Variants in JADE2 observed in about 807,000 individuals in gnomAD.
JADE2 encodes jade family PHD finger 2.
JADE2 carries 13 observed loss-of-function variants against 85.7 expected under a neutral mutation model. That is an observed-to-expected ratio of 0.15 (90% confidence interval 0.10 to 0.24). JADE2 has a LOEUF of 0.24. Ranked by LOEUF, JADE2 falls within the 10% of genes least tolerant of loss-of-function variation. The pLI, the probability that JADE2 is intolerant of heterozygous loss-of-function variation, is 1.00. For synonymous variants in JADE2, 440 were observed against 456.1 expected, an observed-to-expected ratio of 0.96 and a Z score of 0.45; for missense variants, 846 against 1,115.9, an observed-to-expected ratio of 0.76 and a Z score of 3.45.
intron 1 of JADE2, among the ~76,000 whole-genome samples, chr5:134,528,572 G>T (rs1388183975): frequency 6.6e-6 from 1 of 152,208 alleles, no homozygotes; most frequent in African/African-American, 2.4e-5. Flanking sequence ...TTGATCCGAA[G>T]TGGGCGAATA....
rs1392475054 is a variant in JADE2 at position 134,566,506 on chromosome 5, C to T, written c.1360C>T (p.Leu454=). 1 of 1,608,932 alleles carries T rather than the reference C, an allele frequency of 6.2e-7. No homozygotes were observed. The highest frequency in any genetic ancestry group is 8.5e-7 in the Non-Finnish European group (1 of 1,177,650). ...LTPKTDEVDN[L]AQQEQDVLYR... ...CCCCAAGACCGACGAGGTGGACAAC[C>T]TGGCCCAGCAGGAGCAGGACGTCCT... is the stretch of plus-strand genomic sequence containing the variant. The change falls in exon 9 of 12, where the codon CTG becomes TTG. Residue 454 remains leucine (L), a synonymous_variant. Coordinates refer to ENST00000681547, the MANE Select transcript of JADE2 (RefSeq NM_001388185.1). This position sits in a 1 kb window ranked among gnomAD's most constrained non-coding sequence, Gnocchi z 6.7.
At chr5:134,571,570 A>G (rs1387779996) in intron 9 of JADE2, among the ~76,000 whole-genome samples, 4 of 152,136 alleles carry the variant, frequency 2.6e-5, no homozygotes, top group African/African-American at 4.8e-5. Context: ...GGTGGCAGGC[A>G]CCTGTAATCC....
Position 134,566,113 on chromosome 5 carries a change from C to T in JADE2, c.970-3C>T. 1.2e-6 allele frequency: 2 copies of T among 1,609,854 alleles called. No homozygotes were observed. The highest frequency in any genetic ancestry group is 2.2e-5 in the East Asian group (1 of 44,822). ...TCTGATCCTGCCCCTCCTTTCCCCT[C>T]AGTGTTCCATGCCTTCCTGCGTCAC... is the stretch of plus-strand genomic sequence containing the variant. On this transcript the variant is annotated splice_polypyrimidine_tract_variant and splice_region_variant and intron_variant, in intron 8 of 11. Transcript: ENST00000681547. This position sits in a 1 kb window ranked among gnomAD's most constrained non-coding sequence, Gnocchi z 6.7.
intron 10 of JADE2, chr5:134,575,750 C>G (rs1256394218): frequency 6.6e-6 from 1 of 150,382 alleles, no homozygotes; most frequent in African/African-American, 2.5e-5. Flanking sequence ...CAAAAATTAG[C>G]TGAGCATGGT....
chr5:134,543,084 G>C (rs1762072220), intron 3 of JADE2, among the ~76,000 whole-genome samples: 1 of 150,432 alleles, frequency 6.6e-6, no homozygotes, highest in East Asian at 2.0e-4. Flanking sequence ...GCCCAGGTTG[G>C]AGTGGAGTGG....
In JADE2 at chr5:134,525,988, G is replaced by A. The variant is rs1760783980; in HGVS notation, c.-24G>A. 1.0e-6 allele frequency: 1 copy of A among 985,516 alleles called. No homozygotes were observed. The highest frequency in any genetic ancestry group is 1.2e-6 in the Non-Finnish European group (1 of 830,080). The allele number at this position is 985,516 out of a possible 1,614,324, so 61.0% of individuals were successfully genotyped here. A position where few individuals can be genotyped will look rare whatever the true frequency, so the allele number is the denominator to read the frequency against. On this transcript the variant is annotated 5_prime_UTR_variant, in exon 1 of 12. Transcript: ENST00000681547. ...CGGCGCGTAGCCGAGGGCAGCGCCC[G>A]TCAGGGGGGCACCGCGGAGCAAGGT...
In JADE2 at chr5:134,582,004, T is replaced by C. The variant is rs1287394057; in HGVS notation, c.*2687T>C. The C allele has an allele frequency of 6.6e-6, 1 of 152,166 alleles. No individual in the cohort carries two copies. Among genetic ancestry groups the C allele is most frequent in the Admixed American group, 6.6e-5 (1 of 15,258 alleles). The allele number at this position is 152,166 out of a possible 1,614,324, so 9.4% of individuals were successfully genotyped here. A position where few individuals can be genotyped will look rare whatever the true frequency, so the allele number is the denominator to read the frequency against. ...GTCCCTGAGACTGAGGCAGGTTCCT[T>C]TTCCAGGTCAGAGGTGGAGGTAGAT... is the stretch of plus-strand genomic sequence containing the variant. On this transcript the variant is annotated 3_prime_UTR_variant, in exon 12 of 12. Coordinates refer to ENST00000681547, the MANE Select transcript of JADE2 (RefSeq NM_001388185.1).
At chr5:134,575,947 T>C (rs1764339824) in intron 10 of JADE2, among the ~76,000 whole-genome samples, 1 of 152,120 alleles carries the variant, frequency 6.6e-6, no homozygotes, top group South Asian at 2.1e-4. Flanking sequence ...GCACCTGTAA[T>C]CCCAGCACTT....
At chr5:134,575,976 G>A (rs1394007216) in intron 10 of JADE2, among the ~76,000 whole-genome samples, 1 of 152,166 alleles carries the variant, frequency 6.6e-6, no homozygotes, top group African/African-American at 2.4e-5. Flanking sequence ...CAAGGTGGAA[G>A]GATTACTGGA....
rs1338736090 is a variant in JADE2, at chr5:134,533,675, G to A, written c.1-2183G>A. The A allele has an allele frequency of 7.8e-6, 4 of 515,900 alleles. No homozygotes were observed. In the Admixed American group the frequency reaches 2.5e-4, roughly 33 times the overall value. 32.0% of individuals were successfully genotyped at this position (515,900 alleles called of 1,614,324 possible). A position where few individuals can be genotyped will look rare whatever the true frequency, so the allele number is the denominator to read the frequency against. Reference sequence around the variant, plus strand: ...GTTGCGCTGGGCTGGGCTGAGCTGAGGAAGACGTAGGCTAGAATCAGGAGT... The same window carrying A: ...GTTGCGCTGGGCTGGGCTGAGCTGAAGAAGACGTAGGCTAGAATCAGGAGT... On this transcript the variant is annotated intron_variant, in intron 1 of 11. Coordinates refer to ENST00000681547, the MANE Select transcript of JADE2 (RefSeq NM_001388185.1).
At chr5:134,546,231 T>C (rs1181748456) in intron 3 of JADE2, among the ~76,000 whole-genome samples, 1 of 152,118 alleles carries the variant, frequency 6.6e-6, no homozygotes, top group Non-Finnish European at 1.5e-5. Context: ...TGCAGTGGCA[T>C]GATCTCAGCT....
chr5:134,576,458 C>T (rs752778556), intron 10 of JADE2, among the ~76,000 whole-genome samples: 1 of 152,200 alleles, frequency 6.6e-6, no homozygotes, highest in South Asian at 2.1e-4. Flanking sequence ...CCTGTCCAGA[C>T]TCCCTTCCAG....
chr5:134,525,599 A>AC, upstream of JADE2: 1 of 36,164 alleles, frequency 2.8e-5, no homozygotes, highest in Non-Finnish European at 5.5e-5. Flanking sequence ...GCCCGCCCCC[A>AC]CCCCACCCCC....
At chr5:134,526,969 G>A (rs1760877775) in intron 1 of JADE2, among the ~76,000 whole-genome samples, 1 of 152,174 alleles carries the variant, frequency 6.6e-6, no homozygotes, top group Admixed American at 6.5e-5. Context: ...CTGCCGGTTC[G>A]CGTCCCGCTT....
chr5:134,533,515 T>TG (rs1297811637), intron 1 of JADE2: 1 of 985,120 alleles, frequency 1.0e-6, no homozygotes, highest in Non-Finnish European at 1.2e-6. Context: ...CTGTGGGAGA[T>TG]GCTGGCTCGG....
intron 8 of JADE2, among the ~76,000 whole-genome samples, chr5:134,565,528 C>G (rs1763586859): frequency 6.6e-6 from 1 of 152,166 alleles, no homozygotes; most frequent in Admixed American, 6.5e-5. Context: ...TCTGTGATGC[C>G]AAAGTCATTT....
At chr5:134,532,177 A>AC (rs146681214) in intron 1 of JADE2, among the ~76,000 whole-genome samples, 21,696 of 151,914 alleles carry the variant, frequency 0.14, 1,934 homozygotes, top group Middle Eastern at 0.23. Flanking sequence ...GAGTCACCGC[A>AC]CCCCGACTGA....
intron 9 of JADE2, among the ~76,000 whole-genome samples, chr5:134,570,314 C>T (rs1356223005): frequency 6.6e-6 from 1 of 152,206 alleles, no homozygotes; most frequent in East Asian, 1.9e-4. Flanking sequence ...CTCTTCCCTT[C>T]CCTCCTGTCT....
In JADE2 at chr5:134,579,060, G is replaced by A. The variant is rs928711066; in HGVS notation, c.2248G>A (p.Gly750Ser). The change falls in exon 12 of 12, where the codon GGC (glycine) becomes AGC (serine). Residue 750 changes from glycine to serine, a missense_variant. By Grantham distance (56) the Gly-to-Ser change is moderately conservative (BLOSUM62 0). This residue lies in a region of JADE2 where 300 missense variants were observed against 300.7 expected (regional missense o/e 1.00). Coordinates refer to ENST00000681547, the MANE Select transcript of JADE2 (RefSeq NM_001388185.1). This position sits in a 1 kb window ranked among gnomAD's most constrained non-coding sequence, Gnocchi z 4.6. ...PGPAASPKPL[G>S]RLRPPRESKV... ...CCCTGCAGCAAGCCCTAAGCCTTTG[G>A]GCCGGCTCCGGCCACCCCGCGAGAG... is the stretch of plus-strand genomic sequence containing the variant. 2 of 1,613,990 alleles carry A rather than the reference G, an allele frequency of 1.2e-6. No homozygotes were observed. Among genetic ancestry groups the A allele is most frequent in the Non-Finnish European group, 1.7e-6 (2 of 1,179,990 alleles).
Sources: gnomAD v4.1 joint callset for allele counts (sites outside exome capture counted in the v4.1 genomes callset) on GRCh38, gnomAD v4.1.1 for gene constraint, gnomAD v4.1.1 regional missense constraint, Gnocchi (gnomAD v3.1) non-coding constraint, MANE v1.5 for transcripts, NCBI Gene and HGNC (gene_info 2026-07-23, HGNC 2026-07-21) for gene names.